NPSR1: variants seen among roughly 807,000 people sequenced by gnomAD.
NPSR1 encodes neuropeptide S receptor 1.
A neutral mutation model predicts 46.9 loss-of-function variants in NPSR1; 48 were observed. The ratio of observed to expected loss-of-function variants is 1.02; its 90% confidence interval spans 0.81 to 1.30. NPSR1 has a LOEUF of 1.30. Ranked by LOEUF, NPSR1 falls within the 50% of genes most tolerant of loss-of-function variation. The probability of loss-of-function intolerance (pLI) is 0.00; values close to 1 mark genes in which losing one functional copy is unlikely to be tolerated. For synonymous variants in NPSR1, 176 were observed against 168.1 expected, an observed-to-expected ratio of 1.05 and a Z score of -0.36; for missense variants, 450 against 449.5, an observed-to-expected ratio of 1.00 and a Z score of -0.01.
intron 3 of NPSR1, among the ~76,000 whole-genome samples, chr7:34,802,049 C>T (rs575108760): frequency 6.7e-6 from 1 of 149,448 alleles, no homozygotes; most frequent in African/African-American, 2.6e-5. Flanking sequence ...CAAACCACTG[C>T]TCAATGAAAT....
chr7:34,844,898 G>T lies in NPSR1; in HGVS notation c.760G>T (p.Gly254Trp). The stretch of plus-strand genomic sequence containing the variant: ...CTATTCCCCTCTTGTATCTACAGAT[G>T]GGAAACTGTGCAGCAGCTATAACCG... ...YETVISNCSD[G>W]KLCSSYNRGL... is the part of the protein sequence containing the mutation. Residue 254 changes from glycine (G) to tryptophan (W), a missense_variant and splice_region_variant, in exon 7 of 9, where the codon GGG (glycine) becomes TGG (tryptophan). Transcript: ENST00000360581. 1 of 1,599,592 alleles carries T rather than the reference G, an allele frequency of 6.3e-7. No individual in the cohort carries two copies. Among genetic ancestry groups the T allele is most frequent in the East Asian group, 2.2e-5 (1 of 44,816 alleles).
chr7:34,872,167 C>T (rs1045854914), intron 8 of NPSR1, among the ~76,000 whole-genome samples: 5 of 151,996 alleles, frequency 3.3e-5, no homozygotes, highest in African/African-American at 7.3e-5. Context: ...CTTAACATCA[C>T]GTGACAACTG....
intron 8 of NPSR1, among the ~76,000 whole-genome samples, chr7:34,857,576 T>C (rs1042046479): frequency 6.6e-5 from 10 of 151,726 alleles, no homozygotes; most frequent in Non-Finnish European, 1.3e-4. Flanking sequence ...GAAAACCTAC[T>C]GGATTATATG....
At chr7:34,793,450 G>A (rs1788032732) in intron 3 of NPSR1, among the ~76,000 whole-genome samples, 1 of 152,028 alleles carries the variant, frequency 6.6e-6, no homozygotes, top group African/African-American at 2.4e-5. Context: ...ACATACAAAT[G>A]GGCAACATGT....
At chr7:34,681,675 G>T (rs970615540) in intron 1 of NPSR1, among the ~76,000 whole-genome samples, 10 of 152,146 alleles carry the variant, frequency 6.6e-5, no homozygotes, top group African/African-American at 2.4e-4. Flanking sequence ...GTAGATATAG[G>T]TGACCCACTA....
chr7:34,868,541 A>G (rs750432187), intron 8 of NPSR1, among the ~76,000 whole-genome samples: 27 of 151,666 alleles, frequency 1.8e-4, no homozygotes, highest in African/African-American at 3.7e-4. Context: ...ATGCACCACT[A>G]GGCACAGTAG....
chr7:34,696,628 T>C (rs1479823386), intron 2 of NPSR1, among the ~76,000 whole-genome samples: 1 of 151,742 alleles, frequency 6.6e-6, no homozygotes, highest in Non-Finnish European at 1.5e-5. Flanking sequence ...ATCATTGAAC[T>C]GGAATATAGG....
At chr7:34,797,046 G>T (rs1230498724) in intron 3 of NPSR1, among the ~76,000 whole-genome samples, 1 of 152,170 alleles carries the variant, frequency 6.6e-6, no homozygotes, top group African/African-American at 2.4e-5. Context: ...CTCATGCAAA[G>T]ACATGGAAGA....
In NPSR1 at chr7:34,848,508, C is replaced by T. The variant is rs1562771642; in HGVS notation, c.870C>T (p.Tyr290=). ...CCTTCATCTGCTGTTGGAGTCCATACTTCCTGTTTGACATTTTGGACAATT... is the reference window on the plus strand; with the variant it reads ...CCTTCATCTGCTGTTGGAGTCCATATTTCCTGTTTGACATTTTGGACAATT... ...ILAFICCWSP[Y]FLFDILDNFN... Residue 290 remains tyrosine (Y), a synonymous_variant, in exon 8 of 9, where the codon TAC becomes TAT. Transcript: ENST00000360581. The T allele has an allele frequency of 1.9e-6, 3 of 1,614,210 alleles. No homozygotes were observed. Among genetic ancestry groups the T allele is most frequent in the Non-Finnish European group, 2.5e-6 (3 of 1,180,030 alleles).
At position 34,838,030 on chromosome 7, in the gene NPSR1, C is replaced by A. The variant is rs138203607; in HGVS notation, c.757+3570C>A. ...TTCCATGGGTCTGACATGCTCCTCC[C>A]TGCTTGTCCCTCTGAGCACTCACTC... On this transcript the variant is annotated intron_variant, in intron 6 of 8. Coordinates refer to ENST00000360581, the MANE Select transcript of NPSR1 (RefSeq NM_207172.2). 1.5e-4 allele frequency among the ~76,000 whole-genome samples: 23 copies of A among 152,272 alleles called. 1 individual carries two copies. The East Asian group carries it at 4.3e-3, about 28-fold the overall frequency.
chr7:34,829,732 G>C (rs193057072), intron 5 of NPSR1, among the ~76,000 whole-genome samples: 110 of 152,282 alleles, frequency 7.2e-4, no homozygotes, highest in African/African-American at 2.6e-3. Flanking sequence ...CCTCAAACTT[G>C]CCTGTGGGCT....
In NPSR1 at chr7:34,716,572, T is replaced by C. The variant is rs549872871; in HGVS notation, c.280+31888T>C. Among the ~76,000 whole-genome samples, 9 of 152,326 alleles carry C rather than the reference T, an allele frequency of 5.9e-5. No homozygotes were observed. In the South Asian group the frequency reaches 1.9e-3, roughly 32 times the overall value. ...AAAAGCAATTCCTTTTTCATGAGGT[T>C]AGTATGAAAATTACAGTGGATCATG... On this transcript the variant is annotated intron_variant, in intron 2 of 8. Transcript: ENST00000360581.
intron 5 of NPSR1, among the ~76,000 whole-genome samples, chr7:34,831,173 C>G (rs1790099676): frequency 6.6e-6 from 1 of 152,090 alleles, no homozygotes; most frequent in Admixed American, 6.6e-5. Flanking sequence ...GATTTCACAT[C>G]CAGCACACAC....
At chr7:34,728,068 G>A (rs1046100938) in intron 2 of NPSR1, among the ~76,000 whole-genome samples, 1 of 150,062 alleles carries the variant, frequency 6.7e-6, no homozygotes, top group African/African-American at 2.4e-5. Flanking sequence ...TTTTTTTTGA[G>A]GTGTAAGTTT....
chr7:34,835,259 G>A (rs1253968156), intron 6 of NPSR1, among the ~76,000 whole-genome samples: 1 of 152,136 alleles, frequency 6.6e-6, no homozygotes, highest in Non-Finnish European at 1.5e-5. Context: ...TACACACAAT[G>A]TAGGCTCATA....
intron 2 of NPSR1, among the ~76,000 whole-genome samples, chr7:34,732,835 A>C (rs1023676325): frequency 6.6e-6 from 1 of 152,192 alleles, no homozygotes; most frequent in Non-Finnish European, 1.5e-5. Context: ...TCACTCACAA[A>C]ATGAGTAGCC....
intron 4 of NPSR1, among the ~76,000 whole-genome samples, chr7:34,818,242 G>A (rs557060352): frequency 5.9e-4 from 90 of 152,168 alleles, no homozygotes; most frequent in African/African-American, 1.0e-3. Context: ...AAATCAATGC[G>A]CAAAAATCAC....
chr7:34,660,860 C>G (rs2530555), intron 1 of NPSR1, among the ~76,000 whole-genome samples: 2 of 81,772 alleles, frequency 2.4e-5, no homozygotes, highest in Non-Finnish European at 2.2e-5. Context: ...TCATCCCTCC[C>G]TGACTCATCC....
At chr7:34,784,401 T>C (rs1315034383) in intron 3 of NPSR1, among the ~76,000 whole-genome samples, 1 of 152,144 alleles carries the variant, frequency 6.6e-6, no homozygotes, top group Non-Finnish European at 1.5e-5. Context: ...GAAGGGTTGT[T>C]GAATTTTGTC....
Sources: allele counts gnomAD v4.1 joint callset (sites outside exome capture counted in the v4.1 genomes callset), GRCh38; gene constraint gnomAD v4.1.1; transcripts MANE v1.5; gene names NCBI Gene and HGNC (gene_info 2026-07-23, HGNC 2026-07-21).